Variants in TYRO3 observed in about 807,000 individuals in gnomAD.
The protein encoded by TYRO3 is tyrosine-protein kinase receptor TYRO3.
Under a neutral mutation model 95.2 loss-of-function variants are expected in TYRO3, and 38 were observed. The ratio of observed to expected loss-of-function variants is 0.40; its 90% CI spans 0.31 to 0.52. The LOEUF (loss-of-function observed/expected upper bound fraction) is 0.52. Ranked by LOEUF, TYRO3 falls within the 20% of genes least tolerant of loss-of-function variation. The pLI is 0.56. For synonymous variants in TYRO3, 367 were observed against 432.9 expected, an observed-to-expected ratio of 0.85 and a Z score of 1.89; for missense variants, 812 against 1,116.4, an observed-to-expected ratio of 0.73 and a Z score of 3.89.
At chr15:41,574,230 A>G (rs1288115122) in intron 18 of TYRO3, among the ~76,000 whole-genome samples, 1 of 152,102 alleles carries the variant, frequency 6.6e-6, no homozygotes, top group African/African-American at 2.4e-5. Flanking sequence ...GACCCCAGCT[A>G]GTCTAAGAAA....
rs1379096039 is a variant in TYRO3, at chr15:41,582,408, T to G, written c.*4132T>G. 1 of 152,122 alleles carries G rather than the reference T, an allele frequency of 6.6e-6. No homozygotes were observed. The highest frequency in any genetic ancestry group is 1.5e-5 in the Non-Finnish European group (1 of 68,072). 9.4% of individuals were successfully genotyped at this position (152,122 alleles called of 1,614,324 possible). A position where few individuals can be genotyped will look rare whatever the true frequency, so the allele number is the denominator to read the frequency against. On this transcript the variant is annotated 3_prime_UTR_variant, in exon 19 of 19. Coordinates refer to ENST00000263798, the MANE Select transcript of TYRO3 (RefSeq NM_006293.4). ...AGCCAGGTATGGTGGCAGGCACGTGTAATCCTAGCTACTCGGGAGGCTGAG... is the reference window on the plus strand; with the variant it reads ...AGCCAGGTATGGTGGCAGGCACGTGGAATCCTAGCTACTCGGGAGGCTGAG...
At position 41,578,600 on chromosome 15, in the gene TYRO3, G is replaced by A. The variant is rs1368152082; in HGVS notation, c.*324G>A. The A allele has an allele frequency of 9.6e-6, 4 of 418,514 alleles. No homozygotes were observed. The highest frequency in any genetic ancestry group is 1.7e-5 in the Non-Finnish European group (4 of 231,810). The allele number at this position is 418,514 out of a possible 1,614,324, so 25.9% of individuals were successfully genotyped here. A position where few individuals can be genotyped will look rare whatever the true frequency, so the allele number is the denominator to read the frequency against. ...TGGGTGTGGATGGCAGTGTGGGGAG[G>A]GCAGGTCCAGCTCTGTGGGCCCTAC... On this transcript the variant is annotated 3_prime_UTR_variant, in exon 19 of 19. Transcript: ENST00000263798.
intron 18 of TYRO3, among the ~76,000 whole-genome samples, chr15:41,576,104 CAAA>C (rs397853986): frequency 1.5e-3 from 152 of 102,058 alleles, no homozygotes; most frequent in Middle Eastern, 0.012. Flanking sequence ...AACTCCATCT[CAAA>C]AAAAAAAAAA....
At chr15:41,563,901 G>A (rs2055687606) in intron 4 of TYRO3, among the ~76,000 whole-genome samples, 1 of 152,146 alleles carries the variant, frequency 6.6e-6, no homozygotes, top group Non-Finnish European at 1.5e-5. Context: ...AGGTGGGAGG[G>A]TGGTATAACG....
chr15:41,568,276 G>C lies in TYRO3; in HGVS notation c.1021G>C (p.Glu341Gln). 1 of 1,613,754 alleles carries C rather than the reference G, an allele frequency of 6.2e-7. No individual in the cohort carries two copies. The highest frequency in any genetic ancestry group is 2.2e-5 in the East Asian group (1 of 44,880). Residue 341 changes from glutamate (E) to glutamine (Q), a missense_variant, in exon 8 of 19, where the codon GAG becomes CAG. By Grantham distance (29) the Glu-to-Gln change is conservative (BLOSUM62 2). Transcript: ENST00000263798. ...AIRTDSGLILEWEEVIPEAPL... is the reference protein window; with the variant it reads ...AIRTDSGLILQWEEVIPEAPL... ...CCGCACAGATTCAGGCCTCATCTTG[G>C]AGTGGGAAGAAGTGATCCCCGAGGC...
At chr15:41,568,048 C>T (rs894401501) in intron 7 of TYRO3, among the ~76,000 whole-genome samples, 169 bp from the exon 8 acceptor site, 2 of 152,060 alleles carry the variant, frequency 1.3e-5, no homozygotes, top group African/African-American at 4.8e-5. Flanking sequence ...CATTGCTTAC[C>T]CCTCCCCCAG....
At position 41,573,463 on chromosome 15, in the gene TYRO3, A is replaced by G. The variant is rs1284991927; in HGVS notation, c.2141A>G (p.Asp714Gly). 1.2e-6 allele frequency: 2 copies of G among 1,614,082 alleles called. No individual in the cohort carries two copies. The highest frequency in any genetic ancestry group is 1.1e-5 in the South Asian group (1 of 91,078). ...GACAACCTGTATACTGTGCAGAGTGACGTGGTGAGCAGGGTGGCCCGTGAA... is the reference window on the plus strand; with the variant it reads ...GACAACCTGTATACTGTGCAGAGTGGCGTGGTGAGCAGGGTGGCCCGTGAA... ...LADNLYTVQS[D>G]VWAFGVTMWE... Residue 714 changes from aspartate (D) to glycine (G), a missense_variant, in exon 17 of 19, where the codon GAC (aspartate) becomes GGC (glycine). By Grantham distance (94) the Asp-to-Gly change is moderately conservative (BLOSUM62 -1). Coordinates refer to ENST00000263798, the MANE Select transcript of TYRO3 (RefSeq NM_006293.4).
In TYRO3 at chr15:41,571,055, CG is replaced by C; in HGVS notation, c.1600del (p.Glu534ArgfsTer4). 6.2e-7 allele frequency: 1 copy of C among 1,613,934 alleles called. No individual in the cohort carries two copies. The highest frequency in any genetic ancestry group is 8.5e-7 in the Non-Finnish European group (1 of 1,179,940). ...MLGKGEFGSV[R>X]EAQLKQEDGS... ...GTTCCTAGGAGAGTTTGGTTCAGTG[CG>C]GGAGGCCCAGCTGAAGCAAGAGGAT... is the stretch of plus-strand genomic sequence containing the variant. On this transcript the variant is annotated frameshift_variant, in exon 13 of 19. Transcript: ENST00000263798. LOFTEE classifies it high-confidence loss of function.
intron 5 of TYRO3, among the ~76,000 whole-genome samples, chr15:41,564,476 A>G (rs1185481860): frequency 6.6e-6 from 1 of 152,206 alleles, no homozygotes. Context: ...TCCTGACGTC[A>G]CAGCAGATTT....
At chr15:41,560,984 A>T (rs1000495139) in intron 1 of TYRO3, 143 bp from the exon 2 acceptor site, 5 of 1,006,932 alleles carry the variant, frequency 5.0e-6, no homozygotes, top group Non-Finnish European at 7.4e-6. Flanking sequence ...TCCCTTCCAC[A>T]CTGTCCTACC....
At chr15:41,569,708 A>G (rs1467285301) in intron 9 of TYRO3, among the ~76,000 whole-genome samples, 1 of 152,222 alleles carries the variant, frequency 6.6e-6, no homozygotes, top group African/African-American at 2.4e-5. Context: ...TTGAGGCTGC[A>G]GTGAGCTGCA....
At chr15:41,575,602 G>A (rs2055850058) in intron 18 of TYRO3, among the ~76,000 whole-genome samples, 2 of 152,194 alleles carry the variant, frequency 1.3e-5, no homozygotes, top group Admixed American at 6.5e-5. Flanking sequence ...CATTACTGGT[G>A]GCCCCTGCTG....
At chr15:41,566,586 GC>G (rs2140824114) in intron 6 of TYRO3, among the ~76,000 whole-genome samples, 1 of 152,272 alleles carries the variant, frequency 6.6e-6, no homozygotes, top group East Asian at 1.9e-4. Context: ...CCACCTCTAA[GC>G]CCAAGGGGCA....
At chr15:41,569,676 A>T (rs1445233138) in intron 9 of TYRO3, among the ~76,000 whole-genome samples, 1 of 152,182 alleles carries the variant, frequency 6.6e-6, no homozygotes, top group Non-Finnish European at 1.5e-5. Context: ...CTGAAGTGGA[A>T]GGATTGCTTG....
chr15:41,573,274 G>A, intron 16 of TYRO3, 34 bp from the exon 17 acceptor site: 1 of 1,460,000 alleles, frequency 6.8e-7, no homozygotes, highest in South Asian at 1.2e-5. Context: ...GAGCATGGCA[G>A]AAGGCTGACT....
At chr15:41,564,841 G>A in intron 5 of TYRO3, 185 bp from the exon 6 acceptor site, 1 of 590,938 alleles carries the variant, frequency 1.7e-6, no homozygotes, top group East Asian at 2.9e-5. Flanking sequence ...ACTCTCCCAG[G>A]TGTGAGCAGC....
At chr15:41,573,287 C>T in intron 16 of TYRO3, 21 bp from the exon 17 acceptor site, 1 of 1,613,578 alleles carries the variant, frequency 6.2e-7, no homozygotes. Context: ...GGCTGACTCT[C>T]TCCCTCAATG....
chr15:41,577,879 A>G lies in TYRO3; in HGVS notation c.2283-7A>G. 6.2e-7 allele frequency: 1 copy of G among 1,606,802 alleles called. No individual in the cohort carries two copies. On this transcript the variant is annotated splice_polypyrimidine_tract_variant and splice_region_variant and intron_variant, in intron 18 of 18. Coordinates refer to ENST00000263798, the MANE Select transcript of TYRO3 (RefSeq NM_006293.4). ...CCTGCCTTTTCTCACGCTTCTCTCCACCCCAGGTATGATCTCATGTACCAG... is the reference window on the plus strand; with the variant it reads ...CCTGCCTTTTCTCACGCTTCTCTCCGCCCCAGGTATGATCTCATGTACCAG...
At position 41,559,216 on chromosome 15, in the gene TYRO3, T is replaced by A. The variant is rs148149251; in HGVS notation, c.-42T>A. On this transcript the variant is annotated 5_prime_UTR_variant, in exon 1 of 19. Coordinates refer to ENST00000263798, the MANE Select transcript of TYRO3 (RefSeq NM_006293.4). The stretch of plus-strand genomic sequence containing the variant: ...GCCTCCTCCCCGCCCTCCTCCCTCC[T>A]CGCTCGCGGGCCGGGCCCGGCATGG... 0.024 allele frequency: 6,827 copies of A among 288,598 alleles called. 414 individuals carry two copies. Among genetic ancestry groups the A allele is most frequent in the African/African-American group, 0.14 (6,367 of 43,946 alleles). The allele number at this position is 288,598 out of a possible 1,614,324, so 17.9% of individuals were successfully genotyped here.
Sources: gnomAD v4.1 joint callset for allele counts (sites outside exome capture counted in the v4.1 genomes callset) on GRCh38, gnomAD v4.1.1 for gene constraint, MANE v1.5 for transcripts, NCBI Gene and HGNC (gene_info 2026-07-23, HGNC 2026-07-21) for gene names.